WHRN: variants seen among roughly 807,000 people sequenced by gnomAD.
WHRN encodes CASK-interacting protein CIP98.
In WHRN, 41 loss-of-function variants were observed where a neutral mutation model predicts 68.3. The ratio of observed to expected loss-of-function variants is 0.60; its 90% CI spans 0.47 to 0.78. WHRN has a LOEUF of 0.78. WHRN is among the 30% of genes least tolerant of loss of function. The probability of loss-of-function intolerance (pLI) is 0.00; values close to 1 mark genes in which losing one functional copy is unlikely to be tolerated. For synonymous variants in WHRN, 560 were observed against 561.3 expected (o/e 1.00, Z 0.03); for missense variants, 1,243 against 1,244.7 (o/e 1.00, Z 0.02).
At chr9:114,472,135 T>C (rs564268137) in intron 2 of WHRN, among the ~76,000 whole-genome samples, 1 of 152,334 alleles carries the variant, frequency 6.6e-6, no homozygotes, top group African/African-American at 2.4e-5. Context: ...AGGGCTGTTG[T>C]GAGGATGAGG....
At chr9:114,488,781 C>G (rs1321479099) in intron 1 of WHRN, among the ~76,000 whole-genome samples, 2 of 152,184 alleles carry the variant, frequency 1.3e-5, no homozygotes, top group Non-Finnish European at 2.9e-5. Flanking sequence ...CTTCCAAGCT[C>G]CTTCCATCTG....
intron 1 of WHRN, among the ~76,000 whole-genome samples, chr9:114,494,588 G>A (rs1273101432): frequency 1.3e-5 from 2 of 152,156 alleles, no homozygotes; most frequent in Non-Finnish European, 2.9e-5. Flanking sequence ...AGCACTGTGG[G>A]GCATCCCTTC....
chr9:114,428,926 A>C lies in WHRN; in HGVS notation c.964-2513T>G, dbSNP rs532899499. On this transcript the variant is annotated intron_variant, in intron 3 of 11. Coordinates refer to ENST00000362057, the MANE Select transcript of WHRN (RefSeq NM_015404.4). Reference sequence around the variant, plus strand: ...AACTGGCCAGACATAGTACCAGATTAATTTCTTTTTTTTTTTTTCTTGGAG... The same window carrying C: ...AACTGGCCAGACATAGTACCAGATTCATTTCTTTTTTTTTTTTTCTTGGAG... Among the ~76,000 whole-genome samples the C allele has an allele frequency of 7.0e-3, 525 of 74,544 alleles. 3 individuals are homozygous for C. The highest frequency in any genetic ancestry group is 0.023 in the African/African-American group (489 of 20,862). The allele number at this position is 74,544 out of a possible 152,430, so 48.9% of individuals were successfully genotyped here. A position where few individuals can be genotyped will look rare whatever the true frequency, so the allele number is the denominator to read the frequency against.
At chr9:114,465,388 T>A (rs369078094) in intron 3 of WHRN, among the ~76,000 whole-genome samples, 14 of 152,266 alleles carry the variant, frequency 9.2e-5, no homozygotes, top group East Asian at 5.8e-4. Flanking sequence ...TCACCAACAG[T>A]CAGACACGCA....
chr9:114,443,107 A>G (rs1838520283), intron 3 of WHRN, among the ~76,000 whole-genome samples: 1 of 152,214 alleles, frequency 6.6e-6, no homozygotes, highest in East Asian at 1.9e-4. Flanking sequence ...TACCAAGAAG[A>G]AAGCAGTACT....
At chr9:114,479,760 T>C (rs958365447) in intron 1 of WHRN, among the ~76,000 whole-genome samples, 1 of 152,122 alleles carries the variant, frequency 6.6e-6, no homozygotes, top group Non-Finnish European at 1.5e-5. Context: ...GCCCACACAG[T>C]GAGTAAGAAG....
At chr9:114,424,878 G>A in intron 5 of WHRN, 110 bp downstream of exon 5, 1 of 1,221,162 alleles carries the variant, frequency 8.2e-7, no homozygotes, top group Non-Finnish European at 1.2e-6. Flanking sequence ...ATAAGGGGCT[G>A]CCCAGTTGGA....
intron 3 of WHRN, among the ~76,000 whole-genome samples, chr9:114,441,908 A>T (rs946765361): frequency 6.6e-6 from 1 of 152,218 alleles, no homozygotes; most frequent in Non-Finnish European, 1.5e-5. Flanking sequence ...ACAGTACAGA[A>T]ACCTGGCAGA....
chr9:114,445,935 C>G (rs1376325786), intron 3 of WHRN, among the ~76,000 whole-genome samples: 1 of 151,994 alleles, frequency 6.6e-6, no homozygotes, highest in Non-Finnish European at 1.5e-5. Context: ...ATAATTTAGC[C>G]CCAAGATGGA....
At chr9:114,496,078 A>G (rs1843431943) in intron 1 of WHRN, among the ~76,000 whole-genome samples, 1 of 152,206 alleles carries the variant, frequency 6.6e-6, no homozygotes, top group South Asian at 2.1e-4. Flanking sequence ...CCATGTTAAC[A>G]AATCACCAAT....
intron 3 of WHRN, among the ~76,000 whole-genome samples, chr9:114,464,019 C>T (rs2132918519): frequency 6.6e-6 from 1 of 152,308 alleles, no homozygotes; most frequent in Non-Finnish European, 1.5e-5. Flanking sequence ...GGGATGGATA[C>T]CCCATTCTCC....
chr9:114,445,849 T>C (rs985730719), intron 3 of WHRN, among the ~76,000 whole-genome samples: 1 of 152,214 alleles, frequency 6.6e-6, no homozygotes, highest in East Asian at 1.9e-4. Flanking sequence ...TTTCTCTCAT[T>C]TGTTGCTCCT....
Position 114,504,978 on chromosome 9 carries a change from A to G in WHRN, c.-177T>C. ...CTAGGGGGTCGCGGAGACCGCTGCTAGAGTCCCGGAGGCGCGAAGACGGCG... is the reference window on the plus strand; with the variant it reads ...CTAGGGGGTCGCGGAGACCGCTGCTGGAGTCCCGGAGGCGCGAAGACGGCG... On this transcript the variant is annotated 5_prime_UTR_variant, in exon 1 of 12. Coordinates refer to ENST00000362057, the MANE Select transcript of WHRN (RefSeq NM_015404.4). The G allele has an allele frequency of 1.1e-6, 1 of 931,018 alleles. No individual in the cohort carries two copies. The highest frequency in any genetic ancestry group is 1.4e-6 in the Non-Finnish European group (1 of 701,780). 57.7% of individuals were successfully genotyped at this position (931,018 alleles called of 1,614,324 possible).
At chr9:114,478,470 G>T in intron 2 of WHRN, 83 bp downstream of exon 2, 1 of 1,473,164 alleles carries the variant, frequency 6.8e-7, no homozygotes, top group Non-Finnish European at 9.5e-7. Context: ...TCTTCTTGCG[G>T]CCTCCAAGCA....
intron 3 of WHRN, among the ~76,000 whole-genome samples, chr9:114,444,947 C>G (rs1474988988): frequency 6.6e-6 from 1 of 152,004 alleles, no homozygotes; most frequent in Non-Finnish European, 1.5e-5. Context: ...GGTTATACAA[C>G]AAAATTGTGG....
chr9:114,409,107 T>C (rs73656101), intron 7 of WHRN, among the ~76,000 whole-genome samples: 246 of 152,344 alleles, frequency 1.6e-3, no homozygotes, highest in African/African-American at 5.5e-3. Flanking sequence ...CCACACAATA[T>C]AGTATAACTG....
intron 7 of WHRN, among the ~76,000 whole-genome samples, chr9:114,409,122 C>T (rs1316147016): frequency 6.6e-6 from 1 of 152,234 alleles, no homozygotes; most frequent in Non-Finnish European, 1.5e-5. Flanking sequence ...TAACTGATTG[C>T]TTCTCTTTCT....
In WHRN at chr9:114,497,516, T is replaced by C. The variant is rs201878967; in HGVS notation, c.618+6668A>G. Reference sequence around the variant, plus strand: ...CTGGACAGTTTTTGTTTTTTGTTTTTAAAAAAAAAAAGAAAAGGAAAAAAA... The same window carrying C: ...CTGGACAGTTTTTGTTTTTTGTTTTCAAAAAAAAAAAGAAAAGGAAAAAAA... On this transcript the variant is annotated intron_variant, in intron 1 of 11. Transcript: ENST00000362057. Among the ~76,000 whole-genome samples, 389 of 145,168 alleles carry C rather than the reference T, an allele frequency of 2.7e-3. 1 individual carries two copies. The highest frequency in any genetic ancestry group is 8.8e-3 in the African/African-American group (342 of 39,078).
intron 3 of WHRN, among the ~76,000 whole-genome samples, chr9:114,465,133 C>G (rs1244136362): frequency 4.6e-5 from 7 of 152,204 alleles, no homozygotes; most frequent in Admixed American, 4.6e-4. Context: ...CTACTGCAAA[C>G]CCAGAGCTCT....
Sources: allele counts gnomAD v4.1 joint callset (sites outside exome capture counted in the v4.1 genomes callset), GRCh38; gene constraint gnomAD v4.1.1; transcripts MANE v1.5; gene names NCBI Gene and HGNC (gene_info 2026-07-23, HGNC 2026-07-21).